The following NR1H2 variants were observed in gnomAD, a reference collection of about 807,000 sequenced individuals.
The protein encoded by NR1H2 is nuclear receptor subfamily 1 group H member 2.
A neutral mutation model predicts 51.2 loss-of-function variants in NR1H2; 33 were observed. That is an observed-to-expected ratio of 0.64 (90% CI 0.49 to 0.86). The LOEUF (loss-of-function observed/expected upper bound fraction) is 0.86, where lower values mean the gene tolerates loss of function less well. NR1H2 is among the 40% of genes least tolerant of loss of function. The pLI, the probability that NR1H2 is intolerant of heterozygous loss-of-function variation, is 0.00. For synonymous variants in NR1H2, 310 were observed against 264.3 expected (o/e 1.17, Z -1.68); for missense variants, 592 against 639.9 (o/e 0.93, Z 0.81).
chr19:50,382,440 C>T lies in NR1H2; in HGVS notation c.1237-16C>T. On this transcript the variant is annotated splice_polypyrimidine_tract_variant and intron_variant, in intron 9 of 9. Transcript: ENST00000253727. ...GGGCAGGGGCTCAGCCAGCGCCCAC[C>T]TGCCTCCTCCCTCAGGACCAGCTGC... 1.3e-6 allele frequency: 2 copies of T among 1,577,922 alleles called. No homozygotes were observed. The highest frequency in any genetic ancestry group is 1.1e-5 in the South Asian group (1 of 87,908).
At position 50,382,679 on chromosome 19, in the gene NR1H2, A is replaced by G; in HGVS notation, c.*77A>G. 1.4e-6 allele frequency: 2 copies of G among 1,427,246 alleles called. No individual in the cohort carries two copies. Among genetic ancestry groups the G allele is most frequent in the Non-Finnish European group, 9.4e-7 (1 of 1,068,404 alleles). The allele number at this position is 1,427,246 out of a possible 1,614,324, so 88.4% of individuals were successfully genotyped here. Reference sequence around the variant, plus strand: ...GACGCCGGCACCCCTTCCTCTTCCTAGGGTGGAAGGGGCCCTGGGCCGAGC... The same window carrying G: ...GACGCCGGCACCCCTTCCTCTTCCTGGGGTGGAAGGGGCCCTGGGCCGAGC... On this transcript the variant is annotated 3_prime_UTR_variant, in exon 10 of 10. Coordinates refer to ENST00000253727, the MANE Select transcript of NR1H2 (RefSeq NM_007121.7).
intron 8 of NR1H2, 81 bp downstream of exon 8, chr19:50,379,960 T>A (rs765727939): frequency 4.4e-6 from 4 of 915,764 alleles, no homozygotes; most frequent in Non-Finnish European, 5.4e-6. Flanking sequence ...CCTGTTGGAG[T>A]CTCTGTTTCT....
chr19:50,381,944 C>CG (rs1555785936), intron 8 of NR1H2, 22 bp from the exon 9 acceptor site: 1 of 1,536,616 alleles, frequency 6.5e-7, no homozygotes. Context: ...GAGGGAGTCA[C>CG]GGGCTGCCTC....
intron 4 of NR1H2, 127 bp downstream of exon 4, chr19:50,377,997 A>G (rs780614710): frequency 2.8e-6 from 4 of 1,423,934 alleles, no homozygotes; most frequent in Admixed American, 2.3e-5. Context: ...TAACATATAC[A>G]TCTTTCTAAA....
At chr19:50,381,899 G>A (rs752256829) in intron 8 of NR1H2, 67 bp from the exon 9 acceptor site, 38 of 1,353,134 alleles carry the variant, frequency 2.8e-5, no homozygotes, top group Admixed American at 6.7e-5. Flanking sequence ...TGTGGGCAGC[G>A]CCAGGGTCCA....
chr19:50,378,110 C>G (rs770762868), intron 4 of NR1H2, 39 bp from the exon 5 acceptor site: 23 of 1,575,886 alleles, frequency 1.5e-5, no homozygotes, highest in Non-Finnish European at 1.8e-5. Context: ...TCCTGTTTCT[C>G]CTTGTGGCTT....
At chr19:50,379,246 T>C in intron 7 of NR1H2, 65 bp downstream of exon 7, 2 of 1,501,238 alleles carry the variant, frequency 1.3e-6, no homozygotes, top group Non-Finnish European at 1.8e-6. Context: ...GGGAGCAGAG[T>C]TAAGGAAGAC....
Position 50,382,915 on chromosome 19 carries a change from C to T in NR1H2, c.*313C>T. The T allele has an allele frequency of 9.6e-6, 2 of 209,084 alleles. No individual in the cohort carries two copies. The highest frequency in any genetic ancestry group is 8.0e-6 in the Non-Finnish European group (1 of 124,288). The allele number at this position is 209,084 out of a possible 1,614,324, so 13.0% of individuals were successfully genotyped here. ...GGGAGGGGAGGACCCATGGCTCTCC[C>T]CCCTAGCCCGGGAGACCAGGGCCTT... On this transcript the variant is annotated 3_prime_UTR_variant, in exon 10 of 10. Transcript: ENST00000253727.
At position 50,378,253 on chromosome 19, in the gene NR1H2, G is replaced by A. The variant is rs1212616895; in HGVS notation, c.286G>A (p.Gly96Ser). The part of the protein sequence containing the change: ...LCRVCGDKAS[G>S]FHYNVLSCEG... ...CCGTGTCTGTGGGGACAAGGCCTCC[G>A]GCTTCCACTACAACGTGCTCAGCTG... is the stretch of plus-strand genomic sequence containing the variant. Residue 96 changes from glycine to serine, a missense_variant, in exon 5 of 10, where the codon GGC becomes AGC. Physicochemically the swap from Gly to Ser is moderately conservative, Grantham distance 56. Around this residue, in one of 3 missense-constraint regions of NR1H2, gnomAD observed 316 missense variants for 313.4 expected, o/e 1.01. Transcript: ENST00000253727. The A allele has an allele frequency of 5.6e-6, 9 of 1,613,490 alleles. No homozygotes were observed. Among genetic ancestry groups the A allele is most frequent in the East Asian group, 4.5e-5 (2 of 44,886 alleles).
At position 50,377,664 on chromosome 19, in the gene NR1H2, C is replaced by T; in HGVS notation, c.43+16C>T. Reference sequence around the variant, plus strand: ...CCCCTGCCTGGTGAGTGACTCTCTTCCCCACCCAGCCCTTATCACACACGA... The same window carrying T: ...CCCCTGCCTGGTGAGTGACTCTCTTTCCCACCCAGCCCTTATCACACACGA... On this transcript the variant is annotated intron_variant, in intron 3 of 9. Transcript: ENST00000253727. 1 of 1,611,184 alleles carries T rather than the reference C, an allele frequency of 6.2e-7. No homozygotes were observed. The highest frequency in any genetic ancestry group is 8.5e-7 in the Non-Finnish European group (1 of 1,178,550).
In NR1H2 at chr19:50,377,615, C is replaced by A. The variant is rs748534825; in HGVS notation, c.10C>A (p.Pro4Thr). 1 of 1,613,900 alleles carries A rather than the reference C, an allele frequency of 6.2e-7. No homozygotes were observed. Among genetic ancestry groups the A allele is most frequent in the South Asian group, 1.1e-5 (1 of 91,082 alleles). MSS[P>T]TTSSLDTPLP... Reference sequence around the variant, plus strand: ...GCTCCGTGACCCCACCATGTCCTCTCCTACCACGAGTTCCCTGGATACCCC... The same window carrying A: ...GCTCCGTGACCCCACCATGTCCTCTACTACCACGAGTTCCCTGGATACCCC... The change falls in exon 3 of 10, where the codon CCT (proline) becomes ACT (threonine). Residue 4 changes from proline to threonine, a missense_variant. By Grantham distance (38) the Pro-to-Thr change is conservative (BLOSUM62 -1). This residue lies in a region of NR1H2 where 316 missense variants were observed against 313.4 expected (regional missense o/e 1.01). Transcript: ENST00000253727.
Position 50,378,263 on chromosome 19 carries a change from A to G in NR1H2, c.296A>G (p.Tyr99Cys). The change falls in exon 5 of 10, where the codon TAC (tyrosine) becomes TGC (cysteine). Residue 99 changes from tyrosine (Y) to cysteine (C), a missense_variant. Coordinates refer to ENST00000253727, the MANE Select transcript of NR1H2 (RefSeq NM_007121.7). ...GGGGACAAGGCCTCCGGCTTCCACTACAACGTGCTCAGCTGCGAAGGCTGC... is the reference window on the plus strand; with the variant it reads ...GGGGACAAGGCCTCCGGCTTCCACTGCAACGTGCTCAGCTGCGAAGGCTGC... Reference protein sequence around the residue: ...VCGDKASGFHYNVLSCEGCKG... With the variant: ...VCGDKASGFHCNVLSCEGCKG... The G allele has an allele frequency of 1.2e-6, 2 of 1,613,608 alleles. No homozygotes were observed. Among genetic ancestry groups the G allele is most frequent in the South Asian group, 1.1e-5 (1 of 91,088 alleles).
intron 7 of NR1H2, among the ~76,000 whole-genome samples, chr19:50,379,495 G>A (rs1052500116): frequency 6.6e-6 from 1 of 152,146 alleles, no homozygotes; most frequent in African/African-American, 2.4e-5. Context: ...TTGGCATATG[G>A]GGCAAAGAAC....
Position 50,379,141 on chromosome 19 carries a change from G to A in NR1H2, c.887G>A (p.Arg296Gln), listed in dbSNP as rs372528130. ...GTGCCTGGTTTCCTGCAGCTGGGCCGGGAGGACCAGATCGCCCTCCTGAAG... is the reference window on the plus strand; with the variant it reads ...GTGCCTGGTTTCCTGCAGCTGGGCCAGGAGGACCAGATCGCCCTCCTGAAG... Reference protein sequence around the residue: ...KQVPGFLQLGREDQIALLKAS... With the variant: ...KQVPGFLQLGQEDQIALLKAS... The change falls in exon 7 of 10, where the codon CGG becomes CAG. Residue 296 changes from arginine (R) to glutamine (Q), a missense_variant. Physicochemically the swap from Arg to Gln is conservative, Grantham distance 43. Around this residue, in one of 3 missense-constraint regions of NR1H2, gnomAD observed 102 missense variants for 152.4 expected, o/e 0.67. Coordinates refer to ENST00000253727, the MANE Select transcript of NR1H2 (RefSeq NM_007121.7). The A allele has an allele frequency of 3.1e-6, 5 of 1,613,628 alleles. No homozygotes were observed. Among genetic ancestry groups the A allele is most frequent in the African/African-American group, 2.7e-5 (2 of 74,910 alleles).
chr19:50,380,868 C>T (rs1416632363), intron 8 of NR1H2, among the ~76,000 whole-genome samples: 2 of 152,182 alleles, frequency 1.3e-5, no homozygotes, highest in East Asian at 1.9e-4. Context: ...CTTGAGGGGC[C>T]GCCTGCCTCC....
chr19:50,379,824 G>A lies in NR1H2; in HGVS notation c.972G>A (p.Glu324=). 6.2e-7 allele frequency: 1 copy of A among 1,614,116 alleles called. No individual in the cohort carries two copies. Among genetic ancestry groups the A allele is most frequent in the Non-Finnish European group, 8.5e-7 (1 of 1,179,978 alleles). ...CCAGGCGCTACAACCACGAGACAGA[G>A]TGTATCACCTTCTTGAAGGACTTCA... is the stretch of plus-strand genomic sequence containing the variant. ...ETARRYNHET[E]CITFLKDFTY... Residue 324 remains glutamate (E), a synonymous_variant, in exon 8 of 10, where the codon GAG becomes GAA. Transcript: ENST00000253727.
intron 8 of NR1H2, among the ~76,000 whole-genome samples, 168 bp from the exon 9 acceptor site, chr19:50,381,798 T>C (rs574124524): frequency 3.9e-5 from 6 of 152,308 alleles, no homozygotes; most frequent in Admixed American, 3.3e-4. Flanking sequence ...GTGGCACACC[T>C]ACTACATGCC....
rs2037807936 is a variant in NR1H2 at position 50,382,875 on chromosome 19, TGC to T, written c.*274_*275del. 2 of 368,064 alleles carry T rather than the reference TGC, an allele frequency of 5.4e-6. No individual in the cohort carries two copies. 22.8% of individuals were successfully genotyped at this position (368,064 alleles called of 1,614,324 possible). A position where few individuals can be genotyped will look rare whatever the true frequency, so the allele number is the denominator to read the frequency against. ...CTTACACCTCAAGCCCAGCACGCAGTGCACCTTGAACAGAGGGAGGGGAGGAC... is the reference window on the plus strand; with the variant it reads ...CTTACACCTCAAGCCCAGCACGCAGTACCTTGAACAGAGGGAGGGGAGGAC... On this transcript the variant is annotated 3_prime_UTR_variant, in exon 10 of 10. Coordinates refer to ENST00000253727, the MANE Select transcript of NR1H2 (RefSeq NM_007121.7).
intron 2 of NR1H2, 137 bp downstream of exon 2, chr19:50,376,963 T>A (rs1311132831): frequency 3.3e-5 from 3 of 90,944 alleles, no homozygotes; most frequent in Non-Finnish European, 6.5e-5. Context: ...TGGGAGGAGA[T>A]GTGGCGGGGC....
Sources: gnomAD v4.1 joint callset for allele counts (sites outside exome capture counted in the v4.1 genomes callset) on GRCh38, gnomAD v4.1.1 for gene constraint, gnomAD v4.1.1 regional missense constraint, MANE v1.5 for transcripts, NCBI Gene and HGNC (gene_info 2026-07-23, HGNC 2026-07-21) for gene names.